Variants in PCDHGA9 observed in about 807,000 individuals in gnomAD.
The protein encoded by PCDHGA9 is protocadherin gamma subfamily A, 9, also known as protocadherin gamma-A9.
PCDHGA9 carries 37 observed loss-of-function variants against 62.5 expected under a neutral mutation model. That is an observed-to-expected ratio of 0.59 (90% CI 0.46 to 0.78). The LOEUF (loss-of-function observed/expected upper bound fraction) is 0.78. Ranked by LOEUF, PCDHGA9 falls within the 30% of genes least tolerant of loss-of-function variation. The pLI, the probability that PCDHGA9 is intolerant of heterozygous loss-of-function variation, is 0.00. For synonymous variants in PCDHGA9, 459 were observed against 484.6 expected (o/e 0.95, Z 0.69); for missense variants, 1,138 against 1,166.2 (o/e 0.98, Z 0.35).
At chr5:141,478,279 G>A (rs2099443292) in intron 1 of PCDHGA9, 1 of 1,614,202 alleles carries the variant, frequency 6.2e-7, no homozygotes, top group Middle Eastern at 1.6e-4. Context: ...ACAAGTGGAA[G>A]CAGTCTAGAG....
intron 1 of PCDHGA9, among the ~76,000 whole-genome samples, chr5:141,494,382 G>C (rs1311387598): frequency 6.6e-6 from 1 of 152,182 alleles, no homozygotes; most frequent in Non-Finnish European, 1.5e-5. Flanking sequence ...CCCAGCTGAG[G>C]AGTTGAATAA....
chr5:141,460,172 G>T (rs545017378), intron 1 of PCDHGA9, among the ~76,000 whole-genome samples: 1 of 151,852 alleles, frequency 6.6e-6, no homozygotes, highest in South Asian at 2.1e-4. Flanking sequence ...ATATTTTGTG[G>T]ATATTTTATC....
At chr5:141,480,652 A>C (rs1488188393) in intron 1 of PCDHGA9, among the ~76,000 whole-genome samples, 4 of 152,220 alleles carry the variant, frequency 2.6e-5, no homozygotes, top group Non-Finnish European at 5.9e-5. Context: ...TTGGTTGCAC[A>C]TTAAAATCAC....
chr5:141,465,385 C>T (rs752724696), intron 1 of PCDHGA9, among the ~76,000 whole-genome samples: 3 of 151,978 alleles, frequency 2.0e-5, no homozygotes, highest in Admixed American at 6.6e-5. Context: ...AGATTAGGAA[C>T]AAAAACAAGT....
chr5:141,477,794 C>G lies in PCDHGA9; in HGVS notation c.2425-17013C>G, dbSNP rs148942362. The G allele has an allele frequency of 6.2e-7, 1 of 1,614,086 alleles. No individual in the cohort carries two copies. The highest frequency in any genetic ancestry group is 1.1e-5 in the South Asian group (1 of 91,082). On this transcript the variant is annotated intron_variant, in intron 1 of 3. Transcript: ENST00000573521. This position sits in a 1 kb window ranked among gnomAD's most constrained non-coding sequence, Gnocchi z 4.9. ...CAGCGTGAACATATTTGTCACTGAT[C>G]GCAATGACAATGCCCCCCAGGTCCT...
chr5:141,434,564 A>C (rs2097703207), intron 1 of PCDHGA9, among the ~76,000 whole-genome samples: 1 of 152,228 alleles, frequency 6.6e-6, no homozygotes, highest in Admixed American at 6.5e-5. Context: ...CCTTAAGGAC[A>C]TGCCCCTGCT....
At chr5:141,418,115 G>C in intron 1 of PCDHGA9, 1 of 1,614,098 alleles carries the variant, frequency 6.2e-7, no homozygotes, top group South Asian at 1.1e-5. Context: ...GGACTTACTT[G>C]TGAAGGACCG....
chr5:141,476,346 T>G lies in PCDHGA9; in HGVS notation c.2425-18461T>G, dbSNP rs1239836597. On this transcript the variant is annotated intron_variant, in intron 1 of 3. Coordinates refer to ENST00000573521, the MANE Select transcript of PCDHGA9 (RefSeq NM_018921.3). The surrounding 1 kb of genome is among the most constrained non-coding windows in gnomAD (Gnocchi z 7.6). The stretch of plus-strand genomic sequence containing the variant: ...GTGTCTGGAGCTAGCCGAAGATTCT[T>G]TGAGGTGAACCGGGAGACCGGAGAG... 2.5e-6 allele frequency: 4 copies of G among 1,613,932 alleles called. No individual in the cohort carries two copies. Among genetic ancestry groups the G allele is most frequent in the Non-Finnish European group, 3.4e-6 (4 of 1,180,022 alleles).
chr5:141,480,390 T>C (rs753766736), intron 1 of PCDHGA9, among the ~76,000 whole-genome samples: 14 of 151,350 alleles, frequency 9.3e-5, no homozygotes, highest in Non-Finnish European at 1.9e-4. Flanking sequence ...ACTTCAACCA[T>C]GGCAATAGAG....
Position 141,403,283 on chromosome 5 carries a change from G to A in PCDHGA9, c.331G>A (p.Glu111Lys). 1 of 1,613,914 alleles carries A rather than the reference G, an allele frequency of 6.2e-7. No individual in the cohort carries two copies. Among genetic ancestry groups the A allele is most frequent in the South Asian group, 1.1e-5 (1 of 91,090 alleles). The change falls in exon 1 of 4, where the codon GAA becomes AAA. Residue 111 changes from glutamate to lysine, a missense_variant. Glu to Lys is a moderately conservative substitution (Grantham distance 56, BLOSUM62 1). Coordinates refer to ENST00000573521, the MANE Select transcript of PCDHGA9 (RefSeq NM_018921.3). ...TCTGGTGAACTTTAAAGTCCTGGTT[G>A]AAGACAGAGTGAAACTGTACGGAAT... Reference protein sequence around the residue: ...RCLVNFKVLVEDRVKLYGIEI... With the variant: ...RCLVNFKVLVKDRVKLYGIEI...
intron 3 of PCDHGA9, among the ~76,000 whole-genome samples, chr5:141,510,329 A>G (rs1433056614): frequency 6.7e-6 from 1 of 150,230 alleles, no homozygotes; most frequent in South Asian, 2.1e-4. Context: ...AGCACTCTTC[A>G]CCCCCACCCC....
rs1485520054 is a variant in PCDHGA9 at position 141,511,210 on chromosome 5, C to T, written c.*37C>T. 6.2e-7 allele frequency: 1 copy of T among 1,609,328 alleles called. No individual in the cohort carries two copies. The highest frequency in any genetic ancestry group is 1.3e-5 in the African/African-American group (1 of 74,896). ...GGCCAAGAGCCACAGGGCGGCCTCT[C>T]CCCAACCAGCCCAGCTTCTCCTTAC... On this transcript the variant is annotated 3_prime_UTR_variant, in exon 4 of 4. Transcript: ENST00000573521.
intron 1 of PCDHGA9, among the ~76,000 whole-genome samples, chr5:141,472,967 C>G (rs1040253926): frequency 1.7e-5 from 1 of 58,336 alleles, no homozygotes; most frequent in South Asian, 5.1e-4. Flanking sequence ...GCCTGGGGAA[C>G]AAGAGTGAAA....
intron 1 of PCDHGA9, among the ~76,000 whole-genome samples, chr5:141,448,451 C>T (rs1261733103): frequency 6.6e-6 from 1 of 152,032 alleles, no homozygotes; most frequent in Admixed American, 6.6e-5. Context: ...GACTTCCATC[C>T]CTATCCTACT....
intron 1 of PCDHGA9, chr5:141,422,547 G>C: frequency 1.9e-6 from 3 of 1,613,938 alleles, no homozygotes; most frequent in Non-Finnish European, 2.5e-6. Context: ...CTCATGTCTG[G>C]CTGAATGTGG....
At chr5:141,492,423 G>C (rs1164828445) in intron 1 of PCDHGA9, among the ~76,000 whole-genome samples, 1 of 152,222 alleles carries the variant, frequency 6.6e-6, no homozygotes, top group African/African-American at 2.4e-5. Context: ...CCCTCCGCCG[G>C]GCTCAGGAGT....
At chr5:141,498,338 G>A (rs2237079) in intron 2 of PCDHGA9, among the ~76,000 whole-genome samples, 68,665 of 151,630 alleles carry the variant, frequency 0.45, 15,766 homozygotes, top group Admixed American at 0.55. Flanking sequence ...CATTCCAAAT[G>A]GGAAAAGCCT....
At chr5:141,449,282 G>A (rs1285842278) in intron 1 of PCDHGA9, among the ~76,000 whole-genome samples, 17 of 152,002 alleles carry the variant, frequency 1.1e-4, no homozygotes, top group Admixed American at 4.6e-4. Context: ...CCTTCACCCG[G>A]ATGCACCGGG....
chr5:141,477,438 C>T lies in PCDHGA9; in HGVS notation c.2425-17369C>T, dbSNP rs1386997844. On this transcript the variant is annotated intron_variant, in intron 1 of 3. Transcript: ENST00000573521. This position sits in a 1 kb window ranked among gnomAD's most constrained non-coding sequence, Gnocchi z 4.9. ...GGAACCCCTTCCCTCTCAGCCCTTA[C>T]AATAGTGCGTGTTCAAGTGTCCGAC... 6.2e-7 allele frequency: 1 copy of T among 1,614,174 alleles called. No homozygotes were observed. The highest frequency in any genetic ancestry group is 8.5e-7 in the Non-Finnish European group (1 of 1,180,030).
Sources: gnomAD v4.1 joint callset for allele counts (sites outside exome capture counted in the v4.1 genomes callset) on GRCh38, gnomAD v4.1.1 for gene constraint, Gnocchi (gnomAD v3.1) non-coding constraint, MANE v1.5 for transcripts, NCBI Gene and HGNC (gene_info 2026-07-23, HGNC 2026-07-21) for gene names.